The following KRT82 variants were observed in gnomAD, a reference collection of about 807,000 sequenced individuals.
The protein encoded by KRT82 is keratin 82, also known as keratin, type II cuticular Hb2.
KRT82 carries 44 observed loss-of-function variants against 48.0 expected under a neutral mutation model. The observed-to-expected ratio is 0.92, with a 90% CI of 0.72 to 1.18. The LOEUF (loss-of-function observed/expected upper bound fraction) is 1.18, where lower values mean the gene tolerates loss of function less well. Ranked by LOEUF, KRT82 falls within the 50% of genes most tolerant of loss-of-function variation. The pLI, the probability that KRT82 is intolerant of heterozygous loss-of-function variation, is 0.00. For synonymous variants in KRT82, 297 were observed against 278.3 expected, an observed-to-expected ratio of 1.07 and a Z score of -0.67; for missense variants, 701 against 671.4, an observed-to-expected ratio of 1.04 and a Z score of -0.49.
intron 5 of KRT82, 83 bp downstream of exon 5, chr12:52,399,902 C>T: frequency 7.1e-7 from 1 of 1,417,592 alleles, no homozygotes; most frequent in South Asian, 1.2e-5. Context: ...TCACCCACTT[C>T]TGCGGAGAAG....
Position 52,400,045 on chromosome 12 carries a change from C to T in KRT82, c.882G>A (p.Ala294=), listed in dbSNP as rs147977204. The change falls in exon 5 of 9, where the codon GCG becomes GCA. Residue 294 remains alanine, a synonymous_variant. Coordinates refer to ENST00000257974, the MANE Select transcript of KRT82 (RefSeq NM_033033.4). ...TGCGGCTGGCGATGTCGTCATACTGCGCCTTGATCTCAGCGATGATGCCGT... is the reference window on the plus strand; with the variant it reads ...TGCGGCTGGCGATGTCGTCATACTGTGCCTTGATCTCAGCGATGATGCCGT... ...DVDGIIAEIK[A]QYDDIASRSK... is the part of the protein sequence containing the mutation. 2.9e-5 allele frequency: 47 copies of T among 1,614,088 alleles called. No homozygotes were observed. Among genetic ancestry groups the T allele is most frequent in the Admixed American group, 1.3e-4 (8 of 60,018 alleles).
At position 52,400,065 on chromosome 12, in the gene KRT82, T is replaced by C. The variant is rs752116499; in HGVS notation, c.862A>G (p.Ile288Val). The C allele has an allele frequency of 8.1e-6, 13 of 1,614,210 alleles. No individual in the cohort carries two copies. The highest frequency in any genetic ancestry group is 3.3e-4 in the Middle Eastern group (2 of 6,062). The change falls in exon 5 of 9, where the codon ATC becomes GTC. Residue 288 changes from isoleucine (I) to valine (V), a missense_variant. Physicochemically the swap from Ile to Val is conservative, Grantham distance 29. Coordinates refer to ENST00000257974, the MANE Select transcript of KRT82 (RefSeq NM_033033.4). The stretch of plus-strand genomic sequence containing the variant: ...TACTGCGCCTTGATCTCAGCGATGA[T>C]GCCGTCCACGTCCAGCTCCCGGCTG... ...DNSRELDVDG[I>V]IAEIKAQYDD... is the part of the protein sequence containing the mutation.
At chr12:52,402,208 C>A (rs1303016065) in intron 2 of KRT82, 1 of 152,300 alleles carries the variant, frequency 6.6e-6, no homozygotes, top group African/African-American at 2.4e-5. Context: ...CTGAAGAGCA[C>A]TAGGACAGTG....
At position 52,395,982 on chromosome 12, in the gene KRT82, C is replaced by T. The variant is rs374306433; in HGVS notation, c.1289+30G>A. 15 of 1,613,234 alleles carry T rather than the reference C, an allele frequency of 9.3e-6. No homozygotes were observed. The African/African-American group carries it at 1.9e-4, about 20-fold the overall frequency. On this transcript the variant is annotated intron_variant, in intron 7 of 8. Coordinates refer to ENST00000257974, the MANE Select transcript of KRT82 (RefSeq NM_033033.4). ...TGGGTAATGGCCATACCTGGTAGCC[C>T]ATCTTTGACCCCCTCCTGGAGGAGC... is the stretch of plus-strand genomic sequence containing the variant.
At chr12:52,399,867 G>T in intron 5 of KRT82, 118 bp downstream of exon 5, 9 of 1,003,416 alleles carry the variant, frequency 9.0e-6, no homozygotes, top group Non-Finnish European at 1.3e-5. Flanking sequence ...TGTGTCTGTG[G>T]CATGGCGTGG....
In KRT82 at chr12:52,406,062, T is replaced by G. The variant is rs1369897001; in HGVS notation, c.216A>C (p.Gly72=). The change falls in exon 1 of 9, where the codon GGA becomes GGC. Residue 72 remains glycine (G), a synonymous_variant. Transcript: ENST00000257974. Reference sequence around the variant, plus strand: ...GGTACCCGAAGCCAGGCAGGGTACCTCCACACCTGGAGGCTACCCGGGGCC... The same window carrying G: ...GGTACCCGAAGCCAGGCAGGGTACCGCCACACCTGGAGGCTACCCGGGGCC... ...FGRPRVASRC[G]GTLPGFGYRL... 1 of 1,614,006 alleles carries G rather than the reference T, an allele frequency of 6.2e-7. No individual in the cohort carries two copies. Among genetic ancestry groups the G allele is most frequent in the Non-Finnish European group, 8.5e-7 (1 of 1,179,986 alleles).
In KRT82 at chr12:52,395,136, G is replaced by A. The variant is rs560033539; in HGVS notation, c.1381C>T (p.Leu461Phe). The A allele has an allele frequency of 1.9e-6, 3 of 1,614,102 alleles. No homozygotes were observed. Among genetic ancestry groups the A allele is most frequent in the African/African-American group, 1.3e-5 (1 of 75,020 alleles). Reference protein sequence around the residue: ...YEPCGVSTPVLSTGVLRSNGG... With the variant: ...YEPCGVSTPVFSTGVLRSNGG... Reference sequence around the variant, plus strand: ...TTGCTCCTGAGGACGCCAGTGCTGAGGACAGGCGTGCTGACCCCACATGGC... The same window carrying A: ...TTGCTCCTGAGGACGCCAGTGCTGAAGACAGGCGTGCTGACCCCACATGGC... Residue 461 changes from leucine (L) to phenylalanine (F), a missense_variant, in exon 9 of 9, where the codon CTC (leucine) becomes TTC (phenylalanine). Physicochemically the swap from Leu to Phe is conservative, Grantham distance 22. Coordinates refer to ENST00000257974, the MANE Select transcript of KRT82 (RefSeq NM_033033.4).
At chr12:52,400,272 G>T in intron 4 of KRT82, 123 bp from the exon 5 acceptor site, 2 of 1,038,644 alleles carry the variant, frequency 1.9e-6, no homozygotes, top group East Asian at 2.5e-5. Context: ...GCTGTTCTGG[G>T]CTTCAGTCAC....
At position 52,400,538 on chromosome 12, in the gene KRT82, G is replaced by T; in HGVS notation, c.766C>A (p.Leu256Met). The T allele has an allele frequency of 6.2e-7, 1 of 1,613,766 alleles. No homozygotes were observed. Among genetic ancestry groups the T allele is most frequent in the Non-Finnish European group, 8.5e-7 (1 of 1,179,670 alleles). The change falls in exon 4 of 9, where the codon CTG (leucine) becomes ATG (methionine). Residue 256 changes from leucine (L) to methionine (M), a missense_variant. Physicochemically the swap from Leu to Met is conservative, Grantham distance 15. Transcript: ENST00000257974. ...LVQEIDFLKSLYEEEICLLQS... is the reference protein window; with the variant it reads ...LVQEIDFLKSMYEEEICLLQS... The stretch of plus-strand genomic sequence containing the variant: ...AGGGCTGTGGGTACCTCCTCATACA[G>T]GCTTTTCAGGAAGTCGATCTCCTGC...
intron 6 of KRT82, 120 bp from the exon 7 acceptor site, chr12:52,396,352 C>T (rs1939715341): frequency 2.2e-6 from 2 of 914,902 alleles, no homozygotes; most frequent in Non-Finnish European, 3.2e-6. Context: ...GAGCTTCATC[C>T]TAGGATTGCG....
chr12:52,401,198 T>C, intron 3 of KRT82, 91 bp downstream of exon 3: 1 of 1,050,648 alleles, frequency 9.5e-7, no homozygotes, highest in Admixed American at 1.8e-5. Flanking sequence ...GTGGGTGGGC[T>C]GCAGACACGT....
In KRT82 at chr12:52,396,863, G is replaced by C; in HGVS notation, c.1068+20C>G. ...AGCCCAGGATGGCTGTTGCAGCAAGGAAGTCCTCCCCAGCCTCACCTGGGC... is the reference window on the plus strand; with the variant it reads ...AGCCCAGGATGGCTGTTGCAGCAAGCAAGTCCTCCCCAGCCTCACCTGGGC... On this transcript the variant is annotated intron_variant, in intron 6 of 8. Transcript: ENST00000257974. 1 of 1,613,178 alleles carries C rather than the reference G, an allele frequency of 6.2e-7. No individual in the cohort carries two copies. The highest frequency in any genetic ancestry group is 8.5e-7 in the Non-Finnish European group (1 of 1,179,904).
chr12:52,401,281 C>T lies in KRT82; in HGVS notation c.681+8G>A. 1 of 1,613,762 alleles carries T rather than the reference C, an allele frequency of 6.2e-7. No individual in the cohort carries two copies. Among genetic ancestry groups the T allele is most frequent in the South Asian group, 1.1e-5 (1 of 91,070 alleles). The stretch of plus-strand genomic sequence containing the variant: ...CAGGGGCTCTGCCTCTCTGAGCTTC[C>T]TCCTTACCTTCTTCAAGGCAACAAA... On this transcript the variant is annotated splice_region_variant and intron_variant, in intron 3 of 8. Transcript: ENST00000257974.
chr12:52,399,931 C>T, intron 5 of KRT82, 54 bp downstream of exon 5: 2 of 1,577,948 alleles, frequency 1.3e-6, no homozygotes, highest in South Asian at 1.1e-5. Flanking sequence ...GGGTCCTCCC[C>T]TCCCCTGGTT....
rs764107261 is a variant in KRT82, at chr12:52,403,850, C to T, written c.471G>A (p.Gln157=). The T allele has an allele frequency of 1.9e-5, 30 of 1,613,928 alleles. No individual in the cohort carries two copies. The highest frequency in any genetic ancestry group is 2.5e-5 in the Non-Finnish European group (29 of 1,179,942). ...CGATGTTGGTCTGGCAGCACCTCTG[C>T]TGCTGCATGAAGTTCCACTTGGTCT... ...LLETKWNFMQ[Q]QRCCQTNIEP... Residue 157 remains glutamine, a synonymous_variant, in exon 2 of 9, where the codon CAG becomes CAA. Coordinates refer to ENST00000257974, the MANE Select transcript of KRT82 (RefSeq NM_033033.4).
intron 3 of KRT82, 57 bp from the exon 4 acceptor site, chr12:52,400,679 G>T: frequency 8.1e-7 from 1 of 1,233,368 alleles, no homozygotes; most frequent in Non-Finnish European, 1.2e-6. Context: ...AGGCAAGCTG[G>T]TGGCAGGGGG....
At chr12:52,398,013 T>C (rs1939737236) in intron 5 of KRT82, among the ~76,000 whole-genome samples, 1 of 152,166 alleles carries the variant, frequency 6.6e-6, no homozygotes, top group Non-Finnish European at 1.5e-5. Flanking sequence ...CACCACTCAC[T>C]GCACTCTAGC....
Position 52,400,036 on chromosome 12 carries a change from G to A in KRT82, c.891C>T (p.Asp297=), listed in dbSNP as rs528281695. The A allele has an allele frequency of 2.5e-5, 41 of 1,614,034 alleles. No homozygotes were observed. Among genetic ancestry groups the A allele is most frequent in the East Asian group, 2.2e-4 (10 of 44,900 alleles). Residue 297 remains aspartate, a synonymous_variant, in exon 5 of 9, where the codon GAC becomes GAT. Transcript: ENST00000257974. Reference sequence around the variant, plus strand: ...CGGCTTTGCTGCGGCTGGCGATGTCGTCATACTGCGCCTTGATCTCAGCGA... The same window carrying A: ...CGGCTTTGCTGCGGCTGGCGATGTCATCATACTGCGCCTTGATCTCAGCGA... ...GIIAEIKAQY[D]DIASRSKAEA...
chr12:52,400,487 C>G (rs1231797595), intron 4 of KRT82, 40 bp downstream of exon 4: 1 of 1,496,154 alleles, frequency 6.7e-7, no homozygotes, highest in Non-Finnish European at 9.3e-7. Flanking sequence ...TCCCTTGGCT[C>G]CAGCCCTGAC....
Sources: gnomAD v4.1 joint callset for allele counts (sites outside exome capture counted in the v4.1 genomes callset) on GRCh38, gnomAD v4.1.1 for gene constraint, MANE v1.5 for transcripts, NCBI Gene and HGNC (gene_info 2026-07-23, HGNC 2026-07-21) for gene names.